Variants in TMEM135 observed in about 807,000 individuals in gnomAD.
TMEM135 encodes the protein transmembrane protein 135, also known as peroxisomal membrane protein 52.
Under a neutral mutation model 60.3 loss-of-function variants are expected in TMEM135, and 30 were observed. The observed-to-expected ratio is 0.50, with a 90% CI of 0.37 to 0.68. The LOEUF (loss-of-function observed/expected upper bound fraction) is 0.68. Ranked by LOEUF, TMEM135 falls within the 30% of genes least tolerant of loss-of-function variation. TMEM135 has a pLI of 0.00. For missense variants in TMEM135, 468 were observed against 548.8 expected, an observed-to-expected ratio of 0.85 and a Z score of 1.47; for synonymous variants, 190 against 186.7, an observed-to-expected ratio of 1.02 and a Z score of -0.14.
chr11:87,044,939 GC>G (rs1949781972), intron 1 of TMEM135, among the ~76,000 whole-genome samples: 1 of 147,794 alleles, frequency 6.8e-6, no homozygotes, highest in African/African-American at 2.5e-5. Context: ...AAGCCACCAC[GC>G]CCGGCCGTCA....
chr11:87,323,802 A>C lies in TMEM135; in HGVS notation c.*2469A>C, dbSNP rs185305615. The C allele has an allele frequency of 3.9e-3, 1,789 of 453,860 alleles. 8 individuals carry two copies. Among genetic ancestry groups the C allele is most frequent in the Non-Finnish European group, 6.1e-3 (1,383 of 226,718 alleles). 28.1% of individuals were successfully genotyped at this position (453,860 alleles called of 1,614,324 possible). A position where few individuals can be genotyped will look rare whatever the true frequency, so the allele number is the denominator to read the frequency against. ...TTCAATTCTCAGCAGTTTTTCATCA[A>C]ATAATTTCAGGATCCATTTTATTAC... On this transcript the variant is annotated 3_prime_UTR_variant, in exon 15 of 15. Transcript: ENST00000305494.
chr11:87,229,836 T>C (rs1159291272), intron 5 of TMEM135, among the ~76,000 whole-genome samples: 2 of 152,152 alleles, frequency 1.3e-5, no homozygotes, highest in African/African-American at 4.8e-5. Context: ...AGTCCAAAAG[T>C]CTTAGAAGGG....
Position 87,322,578 on chromosome 11 carries a change from T to C in TMEM135, c.*1245T>C, listed in dbSNP as rs1211274191. ...GAAGTGGTCTACAGTTAATGTGACA[T>C]GTAGGGATGATGATATTTTTAAAAT... On this transcript the variant is annotated 3_prime_UTR_variant, in exon 15 of 15. Transcript: ENST00000305494. 2.2e-6 allele frequency: 1 copy of C among 454,030 alleles called. No individual in the cohort carries two copies. Among genetic ancestry groups the C allele is most frequent in the East Asian group, 6.9e-5 (1 of 14,396 alleles). The allele number at this position is 454,030 out of a possible 1,614,324, so 28.1% of individuals were successfully genotyped here.
intron 4 of TMEM135, among the ~76,000 whole-genome samples, chr11:87,121,932 G>T (rs1388642133): frequency 2.6e-5 from 4 of 152,110 alleles, no homozygotes; most frequent in Admixed American, 6.5e-5. Flanking sequence ...AAGCCACTGC[G>T]CCTGGCCTGA....
At chr11:87,170,245 C>G (rs1281997448) in intron 5 of TMEM135, among the ~76,000 whole-genome samples, 1 of 152,128 alleles carries the variant, frequency 6.6e-6, no homozygotes, top group Non-Finnish European at 1.5e-5. Context: ...TTCTTTACCT[C>G]AGAGGAGTTT....
chr11:87,153,292 A>G (rs1392617232), intron 4 of TMEM135, among the ~76,000 whole-genome samples: 2 of 152,168 alleles, frequency 1.3e-5, no homozygotes. Context: ...CCCACTGGCC[A>G]TCTTATTTGT....
At chr11:87,193,549 T>TG (rs1939866903) in intron 5 of TMEM135, among the ~76,000 whole-genome samples, 1 of 151,944 alleles carries the variant, frequency 6.6e-6, no homozygotes, top group Admixed American at 6.6e-5. Context: ...CTGTTTTTGG[T>TG]GGGGGGATAA....
chr11:87,139,056 C>T (rs192800709), intron 4 of TMEM135, among the ~76,000 whole-genome samples: 6 of 152,282 alleles, frequency 3.9e-5, no homozygotes, highest in Admixed American at 3.9e-4. Context: ...TTGCTTTCGG[C>T]AGCTTCCACC....
At chr11:87,300,251 C>T (rs576125552) in intron 7 of TMEM135, among the ~76,000 whole-genome samples, 47 of 152,152 alleles carry the variant, frequency 3.1e-4, no homozygotes, top group Non-Finnish European at 4.7e-4. Flanking sequence ...GAAGCTTCCT[C>T]TGGAAACTGT....
At chr11:87,046,345 C>T (rs1235463347) in intron 1 of TMEM135, among the ~76,000 whole-genome samples, 13 of 150,792 alleles carry the variant, frequency 8.6e-5, no homozygotes, top group Admixed American at 7.9e-4. Context: ...GATCTCAGCT[C>T]CCCAGCCTGG....
chr11:87,167,777 T>C (rs2135283508), intron 5 of TMEM135, among the ~76,000 whole-genome samples: 1 of 152,258 alleles, frequency 6.6e-6, no homozygotes, highest in African/African-American at 2.4e-5. Context: ...TCCTTTTTTT[T>C]GTTGTGTCTC....
chr11:87,055,964 T>A (rs1295519332), intron 1 of TMEM135, among the ~76,000 whole-genome samples: 1 of 152,018 alleles, frequency 6.6e-6, no homozygotes, highest in Non-Finnish European at 1.5e-5. Context: ...AGTAAAGTGG[T>A]GAAAGGACAG....
At chr11:87,079,639 G>A (rs1351550424) in intron 3 of TMEM135, among the ~76,000 whole-genome samples, 8 of 151,040 alleles carry the variant, frequency 5.3e-5, no homozygotes, top group African/African-American at 1.5e-4. Context: ...TGCTCTTAGC[G>A]GGAGGCATTC....
In TMEM135 at chr11:87,325,632, C is replaced by T. The variant is rs571581982; in HGVS notation, c.*4299C>T. 2.9e-5 allele frequency: 13 copies of T among 453,722 alleles called. No individual in the cohort carries two copies. The highest frequency in any genetic ancestry group is 4.0e-5 in the Non-Finnish European group (9 of 226,748). 28.1% of individuals were successfully genotyped at this position (453,722 alleles called of 1,614,324 possible). The stretch of plus-strand genomic sequence containing the variant: ...CTTCATTGCAACCTTTTAAGCCAGC[C>T]GTTCAAGTGAGAGGCTCTGGAGTGA... On this transcript the variant is annotated 3_prime_UTR_variant, in exon 15 of 15. Coordinates refer to ENST00000305494, the MANE Select transcript of TMEM135 (RefSeq NM_022918.4).
At chr11:87,167,402 G>C (rs191376631) in intron 5 of TMEM135, among the ~76,000 whole-genome samples, 59 of 152,292 alleles carry the variant, frequency 3.9e-4, no homozygotes, top group Non-Finnish European at 1.2e-4. Context: ...CAAAGAGAAT[G>C]CTTCCAGCTT....
At chr11:87,231,050 A>G (rs938040042) in intron 5 of TMEM135, among the ~76,000 whole-genome samples, 11 of 152,102 alleles carry the variant, frequency 7.2e-5, no homozygotes, top group African/African-American at 2.7e-4. Flanking sequence ...CCTGAGATAT[A>G]GGAAACAAAT....
chr11:87,073,310 G>C (rs933816770), intron 3 of TMEM135, among the ~76,000 whole-genome samples: 3 of 152,114 alleles, frequency 2.0e-5, no homozygotes, highest in African/African-American at 7.2e-5. Context: ...TGGGATTAGA[G>C]GTGTGAGCCA....
In TMEM135 at chr11:87,327,463, T is replaced by C. The variant is rs1282532184; in HGVS notation, c.*6130T>C. ...AGCATTTTGAGAAAATAAACCTCTATTTCTTAAAGTTCTGTATCAGTCAGG... is the reference window on the plus strand; with the variant it reads ...AGCATTTTGAGAAAATAAACCTCTACTTCTTAAAGTTCTGTATCAGTCAGG... On this transcript the variant is annotated 3_prime_UTR_variant, in exon 15 of 15. Coordinates refer to ENST00000305494, the MANE Select transcript of TMEM135 (RefSeq NM_022918.4). The C allele has an allele frequency of 2.2e-6, 1 of 454,050 alleles. No individual in the cohort carries two copies. The highest frequency in any genetic ancestry group is 1.6e-5 in the South Asian group (1 of 64,468). The allele number at this position is 454,050 out of a possible 1,614,324, so 28.1% of individuals were successfully genotyped here. A position where few individuals can be genotyped will look rare whatever the true frequency, so the allele number is the denominator to read the frequency against.
rs1857305300 is a variant in TMEM135 at position 87,095,568 on chromosome 11, T to C, written c.396+4173T>C. 3.0e-5 allele frequency: 6 copies of C among 202,984 alleles called. No individual in the cohort carries two copies. In the South Asian group the frequency reaches 5.9e-4, roughly 20 times the overall value. The allele number at this position is 202,984 out of a possible 1,614,324, so 12.6% of individuals were successfully genotyped here. ...AGCCTGTCCGGTTATCAAAAGATAA[T>C]CTGCATGAATCTCAGATGGCCTGCC... On this transcript the variant is annotated intron_variant, in intron 4 of 14. Coordinates refer to ENST00000305494, the MANE Select transcript of TMEM135 (RefSeq NM_022918.4).
Sources: gnomAD v4.1 joint callset for allele counts (sites outside exome capture counted in the v4.1 genomes callset) on GRCh38, gnomAD v4.1.1 for gene constraint, MANE v1.5 for transcripts, NCBI Gene and HGNC (gene_info 2026-07-23, HGNC 2026-07-21) for gene names.